Variants in MCTP2 observed in about 807,000 individuals in gnomAD.
MCTP2 encodes multiple C2 and transmembrane domain containing 2.
In MCTP2, 132 loss-of-function variants were observed where a neutral mutation model predicts 111.6. The observed-to-expected ratio is 1.18, with a 90% CI of 1.03 to 1.37. The LOEUF (loss-of-function observed/expected upper bound fraction) is 1.37, where lower values mean the gene tolerates loss of function less well. Ranked by LOEUF, MCTP2 falls within the 40% of genes most tolerant of loss-of-function variation. The probability of loss-of-function intolerance (pLI) is 0.00; values close to 1 mark genes in which losing one functional copy is unlikely to be tolerated. For synonymous variants in MCTP2, 395 were observed against 387.7 expected (o/e 1.02, Z -0.22); for missense variants, 1,183 against 1,067.9 (o/e 1.11, Z -1.50).
At chr15:94,265,967 A>G (rs2073498035) in intron 1 of MCTP2, among the ~76,000 whole-genome samples, 2 of 152,196 alleles carry the variant, frequency 1.3e-5, no homozygotes, top group African/African-American at 2.4e-5. Flanking sequence ...TGTTTTGACT[A>G]TTGTCTTCAG....
At chr15:94,476,453 G>T in intron 21 of MCTP2, 1 of 285,896 alleles carries the variant, frequency 3.5e-6, no homozygotes, top group Non-Finnish European at 6.6e-6. Context: ...TCAGGAAAAG[G>T]CATTTGTGAA....
At chr15:94,338,182 G>A (rs1037797664) in intron 4 of MCTP2, among the ~76,000 whole-genome samples, 1 of 152,154 alleles carries the variant, frequency 6.6e-6, no homozygotes, top group Non-Finnish European at 1.5e-5. Flanking sequence ...CCTATCTTGG[G>A]TACTGTCCAA....
At chr15:94,478,935 C>G (rs1374367318) in intron 22 of MCTP2, 31 bp from the exon 23 acceptor site, 1 of 1,608,922 alleles carries the variant, frequency 6.2e-7, no homozygotes, top group East Asian at 2.2e-5. Flanking sequence ...GGTTACCTAA[C>G]CGCCAGCATC....
intron 20 of MCTP2, among the ~76,000 whole-genome samples, chr15:94,467,705 C>G (rs2073510571): frequency 6.6e-6 from 1 of 152,170 alleles, no homozygotes; most frequent in East Asian, 1.9e-4. Flanking sequence ...TGTACTGCCC[C>G]TGTGCCCTTG....
At chr15:94,235,859 G>T (rs1329994504) in intron 1 of MCTP2, among the ~76,000 whole-genome samples, 1 of 152,186 alleles carries the variant, frequency 6.6e-6, no homozygotes, top group Admixed American at 6.5e-5. Context: ...TTATGTGTTG[G>T]CATTGGCCAA....
intron 4 of MCTP2, among the ~76,000 whole-genome samples, chr15:94,335,599 C>T (rs949458870): frequency 1.2e-4 from 18 of 152,204 alleles, no homozygotes; most frequent in African/African-American, 4.1e-4. Context: ...AAATTTTCCT[C>T]TGCATATAAT....
intron 17 of MCTP2, among the ~76,000 whole-genome samples, chr15:94,410,451 A>G (rs2082104650): frequency 6.6e-6 from 1 of 152,168 alleles, no homozygotes; most frequent in South Asian, 2.1e-4. Flanking sequence ...CATGTCAAAA[A>G]TAGATGGCTT....
chr15:94,392,602 C>T (rs1267496572), intron 14 of MCTP2, among the ~76,000 whole-genome samples: 1 of 152,028 alleles, frequency 6.6e-6, no homozygotes, highest in Non-Finnish European at 1.5e-5. Flanking sequence ...ATCACAAGGT[C>T]AGGAGTTCGA....
chr15:94,407,188 A>ATATAAATAAAG (rs2081944595), intron 17 of MCTP2, among the ~76,000 whole-genome samples: 1 of 152,280 alleles, frequency 6.6e-6, no homozygotes, highest in East Asian at 1.9e-4. Flanking sequence ...CTAAAGTTAT[A>ATATAAATAAAG]TTATTATATA....
At chr15:94,432,804 A>G (rs959248795) in intron 17 of MCTP2, among the ~76,000 whole-genome samples, 5 of 152,230 alleles carry the variant, frequency 3.3e-5, no homozygotes, top group African/African-American at 9.6e-5. Context: ...CTTGAAGGAC[A>G]AAAGGACAGA....
chr15:94,388,459 A>C (rs1425672251), intron 14 of MCTP2, among the ~76,000 whole-genome samples: 1 of 152,238 alleles, frequency 6.6e-6, no homozygotes, highest in Non-Finnish European at 1.5e-5. Context: ...TCTCCAAATG[A>C]ATTGATTCTC....
chr15:94,357,340 C>T (rs1365568375), intron 9 of MCTP2, among the ~76,000 whole-genome samples: 1 of 152,176 alleles, frequency 6.6e-6, no homozygotes, highest in African/African-American at 2.4e-5. Flanking sequence ...GGCTTTGCCT[C>T]ACAGTGAGGG....
At chr15:94,345,185 T>C in intron 8 of MCTP2, 21 bp downstream of exon 8, 1 of 1,605,218 alleles carries the variant, frequency 6.2e-7, no homozygotes, top group East Asian at 2.2e-5. Flanking sequence ...TTTTTTTTCC[T>C]TTAGATCATT....
intron 17 of MCTP2, among the ~76,000 whole-genome samples, chr15:94,425,704 A>T (rs1438226295): frequency 6.6e-6 from 1 of 152,172 alleles, no homozygotes; most frequent in East Asian, 1.9e-4. Context: ...GGAAGGGGAG[A>T]TTATTCAGAT....
In MCTP2 at chr15:94,356,171, C is replaced by A. The variant is rs147632938; in HGVS notation, c.1040C>A (p.Ser347Tyr). Reference sequence around the variant, plus strand: ...ATACGCAACCTACGGCTCTCTGAGTCCTTGAAAAAGAACCAACTCTGGAAC... The same window carrying A: ...ATACGCAACCTACGGCTCTCTGAGTACTTGAAAAAGAACCAACTCTGGAAC... ...SLIRNLRLSE[S>Y]LKKNQLWNGI... Residue 347 changes from serine to tyrosine, a missense_variant, in exon 9 of 23, where the codon TCC becomes TAC. Physicochemically the swap from Ser to Tyr is moderately radical, Grantham distance 144. Transcript: ENST00000357742. 1.2e-6 allele frequency: 2 copies of A among 1,611,036 alleles called. No homozygotes were observed. The highest frequency in any genetic ancestry group is 2.2e-5 in the East Asian group (1 of 44,726).
intron 1 of MCTP2, among the ~76,000 whole-genome samples, chr15:94,249,902 T>C (rs1017523696): frequency 6.6e-6 from 1 of 152,172 alleles, no homozygotes; most frequent in African/African-American, 2.4e-5. Flanking sequence ...CTTTCTGTTG[T>C]CTGAAAGCAC....
At chr15:94,365,268 C>A (rs1012696407) in intron 10 of MCTP2, among the ~76,000 whole-genome samples, 3 of 152,222 alleles carry the variant, frequency 2.0e-5, no homozygotes, top group Non-Finnish European at 2.9e-5. Context: ...ACTGTAAAAT[C>A]CATTAAGCTG....
intron 1 of MCTP2, among the ~76,000 whole-genome samples, chr15:94,267,005 A>G (rs2073575040): frequency 6.6e-6 from 1 of 152,224 alleles, no homozygotes; most frequent in African/African-American, 2.4e-5. Context: ...GCACCTATTC[A>G]GTTTGTTTTG....
intron 8 of MCTP2, among the ~76,000 whole-genome samples, chr15:94,347,163 G>C (rs1596428609): frequency 6.6e-6 from 1 of 152,146 alleles, no homozygotes; most frequent in East Asian, 1.9e-4. Flanking sequence ...GTCAGGTAGT[G>C]TCTAATTTGG....
Sources: allele counts gnomAD v4.1 joint callset (sites outside exome capture counted in the v4.1 genomes callset), GRCh38; gene constraint gnomAD v4.1.1; transcripts MANE v1.5; gene names NCBI Gene and HGNC (gene_info 2026-07-23, HGNC 2026-07-21).